The following RAP1GAP2 variants were observed in gnomAD, a reference collection of about 807,000 sequenced individuals.
The protein encoded by RAP1GAP2 is rap1 GTPase-activating protein 2.
In RAP1GAP2, 27 loss-of-function variants were observed where a neutral mutation model predicts 95.0. The observed-to-expected ratio is 0.28, with a 90% CI of 0.21 to 0.39. The LOEUF is 0.39. RAP1GAP2 is among the 10% of genes least tolerant of loss of function. The probability of loss-of-function intolerance (pLI) is 1.00; values close to 1 mark genes in which losing one functional copy is unlikely to be tolerated. For synonymous variants in RAP1GAP2, 373 were observed against 380.9 expected (o/e 0.98, Z 0.24); for missense variants, 771 against 970.0 (o/e 0.79, Z 2.72).
chr17:2,919,623 A>T (rs1462771566), intron 3 of RAP1GAP2, among the ~76,000 whole-genome samples: 2 of 152,104 alleles, frequency 1.3e-5, no homozygotes, highest in South Asian at 4.1e-4. Flanking sequence ...TGGGTGGCCC[A>T]TGGTCTGGGG....
At chr17:2,879,749 T>C (rs2073222959) in intron 2 of RAP1GAP2, among the ~76,000 whole-genome samples, 2 of 149,064 alleles carry the variant, frequency 1.3e-5, no homozygotes, top group African/African-American at 2.5e-5. Context: ...AGAAAGTCCC[T>C]GCTTCCTGTT....
chr17:2,793,329 C>T (rs1261154980), upstream of RAP1GAP2, among the ~76,000 whole-genome samples: 2 of 152,062 alleles, frequency 1.3e-5, no homozygotes, highest in Non-Finnish European at 2.9e-5. Flanking sequence ...AATTTTTGTA[C>T]TTTTAGTAAA....
At chr17:2,892,407 G>C (rs1341557294) in intron 2 of RAP1GAP2, among the ~76,000 whole-genome samples, 6 of 152,172 alleles carry the variant, frequency 3.9e-5, no homozygotes. Flanking sequence ...GCGTGTTGGA[G>C]ATGATGGCTT....
At chr17:2,930,589 G>A (rs528200946) in intron 3 of RAP1GAP2, among the ~76,000 whole-genome samples, 46 of 152,306 alleles carry the variant, frequency 3.0e-4, no homozygotes, top group Non-Finnish European at 6.0e-4. Context: ...CCAGCTCTTG[G>A]AGCCAGGTGG....
rs566825939 is a variant in RAP1GAP2 at position 2,800,360 on chromosome 17, T to TC, written c.45-150dup. The TC allele has an allele frequency of 4.2e-5, 31 of 740,678 alleles. No individual in the cohort carries two copies. The South Asian group carries it at 1.6e-3, about 39-fold the overall frequency. 45.9% of individuals were successfully genotyped at this position (740,678 alleles called of 1,614,324 possible). On this transcript the variant is annotated intron_variant, in intron 1 of 24. Coordinates refer to ENST00000254695, the MANE Select transcript of RAP1GAP2 (RefSeq NM_015085.5). ...CTCTCCCAGCACTCAGAGGCGTCTC[T>TC]CCCCCTGCTAGCGGAGAACTGGCCC...
chr17:2,823,617 C>T (rs141532375), intron 2 of RAP1GAP2, among the ~76,000 whole-genome samples: 1,631 of 152,230 alleles, frequency 0.011, 13 homozygotes, highest in Middle Eastern at 0.017. Context: ...CGCTCCTCTC[C>T]GGCTGGGCCG....
At chr17:2,755,846 G>A (rs1273371537) in intron 1 of RAP1GAP2, 1 of 339,766 alleles carries the variant, frequency 2.9e-6, no homozygotes, top group Non-Finnish European at 5.3e-6. Flanking sequence ...GCAGCGGGGC[G>A]CGGGCCCAAA....
rs988386505 is a variant in RAP1GAP2 at position 2,866,571 on chromosome 17, T to A, written c.81-38713T>A. On this transcript the variant is annotated intron_variant, in intron 2 of 24. Transcript: ENST00000254695. This position sits in a 1 kb window ranked among gnomAD's most constrained non-coding sequence, Gnocchi z 4.0. ...GTAGATAATACCCCCAAATGTCCCT[T>A]CTGATTGGTAATTTATTTTATTTAT... Among the ~76,000 whole-genome samples the A allele has an allele frequency of 6.6e-6, 1 of 152,194 alleles. No homozygotes were observed. Among genetic ancestry groups the A allele is most frequent in the African/African-American group, 2.4e-5 (1 of 41,460 alleles).
intron 2 of RAP1GAP2, among the ~76,000 whole-genome samples, chr17:2,808,571 C>T (rs1316706430): frequency 3.3e-5 from 5 of 152,274 alleles, no homozygotes; most frequent in Non-Finnish European, 4.4e-5. Flanking sequence ...GGCGTCCCCT[C>T]GCTGGCCCGG....
rs2151607006 is a variant in RAP1GAP2, at chr17:3,005,863, T to C, written c.1273-92T>C. The C allele has an allele frequency of 2.4e-6, 3 of 1,230,808 alleles. No individual in the cohort carries two copies. The highest frequency in any genetic ancestry group is 2.4e-6 in the Non-Finnish European group (2 of 831,490). The allele number at this position is 1,230,808 out of a possible 1,614,324, so 76.2% of individuals were successfully genotyped here. A position where few individuals can be genotyped will look rare whatever the true frequency, so the allele number is the denominator to read the frequency against. ...AGGGACTTTTCAGGGGTTCTCCCCATGGCCCCGGCTCTGCCTGCCTGTCAC... is the reference window on the plus strand; with the variant it reads ...AGGGACTTTTCAGGGGTTCTCCCCACGGCCCCGGCTCTGCCTGCCTGTCAC... On this transcript the variant is annotated intron_variant, in intron 15 of 24. Transcript: ENST00000254695. The surrounding 1 kb of genome is among the most constrained non-coding windows in gnomAD (Gnocchi z 5.2).
rs534606796 is a variant in RAP1GAP2, at chr17:3,025,945, C to T, written c.1752-63C>T. The T allele has an allele frequency of 1.2e-3, 1,478 of 1,250,616 alleles. 3 individuals are homozygous for T. The highest frequency in any genetic ancestry group is 1.4e-3 in the Non-Finnish European group (1,228 of 865,234). The allele number at this position is 1,250,616 out of a possible 1,614,324, so 77.5% of individuals were successfully genotyped here. ...TGCCGAGAGAGGCTCTGCCTGGGGC[C>T]GTGGATGGGGTGGGGGTTGAGGGCT... On this transcript the variant is annotated intron_variant, in intron 19 of 24. Coordinates refer to ENST00000254695, the MANE Select transcript of RAP1GAP2 (RefSeq NM_015085.5).
intron 8 of RAP1GAP2, among the ~76,000 whole-genome samples, chr17:2,972,429 C>T (rs369974676): frequency 6.6e-6 from 1 of 151,882 alleles, no homozygotes; most frequent in Non-Finnish European, 1.5e-5. Flanking sequence ...CAGGAGTTCA[C>T]GACCAACATG....
At chr17:2,766,051 C>G (rs2068270121) in intron 1 of RAP1GAP2, among the ~76,000 whole-genome samples, 1 of 152,278 alleles carries the variant, frequency 6.6e-6, no homozygotes, top group East Asian at 1.9e-4. Flanking sequence ...CTCAACACAC[C>G]CACTGCATTA....
At chr17:2,936,407 C>T (rs2043312823) in intron 3 of RAP1GAP2, among the ~76,000 whole-genome samples, 2 of 151,756 alleles carry the variant, frequency 1.3e-5, no homozygotes, top group South Asian at 4.2e-4. Flanking sequence ...GGGCTGTGGG[C>T]CTTCTCCGCC....
At chr17:2,856,547 C>T (rs2072144923) in intron 2 of RAP1GAP2, among the ~76,000 whole-genome samples, 1 of 152,166 alleles carries the variant, frequency 6.6e-6, no homozygotes, top group African/African-American at 2.4e-5. Flanking sequence ...CCGGTGGTGA[C>T]AGCCCCACCA....
intron 1 of RAP1GAP2, among the ~76,000 whole-genome samples, chr17:2,761,477 G>A (rs1255667425): frequency 6.6e-6 from 1 of 151,460 alleles, no homozygotes; most frequent in Non-Finnish European, 1.5e-5. Context: ...TAGTAGAGAC[G>A]GGGTTTCTCC....
intron 2 of RAP1GAP2, among the ~76,000 whole-genome samples, chr17:2,844,181 T>C (rs891265782): frequency 2.0e-5 from 3 of 151,980 alleles, no homozygotes; most frequent in Non-Finnish European, 2.9e-5. Flanking sequence ...CCACCATGCC[T>C]GGCTAATATT....
chr17:3,022,907 A>G lies in RAP1GAP2; in HGVS notation c.1751+2312A>G, dbSNP rs377213365. Reference sequence around the variant, plus strand: ...ATCCATTTTGATTTGATTTTTATGTATGGTGAGAGAGAAGGGTCTGGTTTT... The same window carrying G: ...ATCCATTTTGATTTGATTTTTATGTGTGGTGAGAGAGAAGGGTCTGGTTTT... On this transcript the variant is annotated intron_variant, in intron 19 of 24. Coordinates refer to ENST00000254695, the MANE Select transcript of RAP1GAP2 (RefSeq NM_015085.5). Among the ~76,000 whole-genome samples, 2 of 152,214 alleles carry G rather than the reference A, an allele frequency of 1.3e-5. 1 individual carries two copies. The highest frequency in any genetic ancestry group is 4.8e-5 in the African/African-American group (2 of 41,460).
At chr17:2,905,495 C>T (rs1367377573) in intron 3 of RAP1GAP2, 127 bp downstream of exon 3, 7 of 847,282 alleles carry the variant, frequency 8.3e-6, no homozygotes, top group East Asian at 2.9e-5. Flanking sequence ...CCTGACACCT[C>T]GGAGGAGGTG....
Sources: allele counts gnomAD v4.1 joint callset (sites outside exome capture counted in the v4.1 genomes callset), GRCh38; gene constraint gnomAD v4.1.1; non-coding constraint Gnocchi (gnomAD v3.1); transcripts MANE v1.5; gene names NCBI Gene and HGNC (gene_info 2026-07-23, HGNC 2026-07-21).